GABRG3: variants seen among roughly 807,000 people sequenced by gnomAD.
GABRG3 encodes the protein gamma-aminobutyric acid receptor subunit gamma-3.
A neutral mutation model predicts 48.8 loss-of-function variants in GABRG3; 25 were observed. The ratio of observed to expected loss-of-function variants is 0.51; its 90% CI spans 0.37 to 0.72. The LOEUF is 0.72. Among genes scored for constraint, GABRG3 ranks in the 30% least tolerant of loss-of-function variants. The probability of loss-of-function intolerance (pLI) is 0.00; values close to 1 mark genes in which losing one functional copy is unlikely to be tolerated. For missense variants in GABRG3, 394 were observed against 577.9 expected, an observed-to-expected ratio of 0.68 and a Z score of 3.26; for synonymous variants, 227 against 217.6, an observed-to-expected ratio of 1.04 and a Z score of -0.38.
At chr15:27,385,133 G>A (rs544610033) in intron 5 of GABRG3, among the ~76,000 whole-genome samples, 2 of 152,116 alleles carry the variant, frequency 1.3e-5, no homozygotes, top group Admixed American at 6.5e-5. Flanking sequence ...ACCCCTCCTA[G>A]GGTTATTTAG....
Position 27,077,889 on chromosome 15 carries a change from G to A in GABRG3, c.270+51068G>A, listed in dbSNP as rs187597835. Among the ~76,000 whole-genome samples, 374 of 152,282 alleles carry A rather than the reference G, an allele frequency of 2.5e-3. 2 individuals are homozygous for A. Among genetic ancestry groups the A allele is most frequent in the African/African-American group, 8.3e-3 (345 of 41,556 alleles). On this transcript the variant is annotated intron_variant, in intron 3 of 9. Transcript: ENST00000615808. Reference sequence around the variant, plus strand: ...GAGGGCAGTTCTCAGCATCATCACAGCCCAGCAAATATCAGGGGAGCTATT... The same window carrying A: ...GAGGGCAGTTCTCAGCATCATCACAACCCAGCAAATATCAGGGGAGCTATT...
chr15:27,450,929 A>G (rs1257418050), intron 5 of GABRG3, among the ~76,000 whole-genome samples: 2 of 152,216 alleles, frequency 1.3e-5, no homozygotes, highest in Admixed American at 6.5e-5. Flanking sequence ...ACTATCTGAA[A>G]AGGATATTAA....
intron 5 of GABRG3, among the ~76,000 whole-genome samples, chr15:27,434,664 T>A (rs1888553559): frequency 6.6e-6 from 1 of 152,158 alleles, no homozygotes; most frequent in African/African-American, 2.4e-5. Flanking sequence ...AACAGTCCCT[T>A]CATATTCCAT....
chr15:26,984,489 TC>T (rs1895115203), intron 2 of GABRG3, among the ~76,000 whole-genome samples: 1 of 152,218 alleles, frequency 6.6e-6, no homozygotes, highest in Non-Finnish European at 1.5e-5. Flanking sequence ...AAATAATGAC[TC>T]CTCTCCTAGA....
chr15:27,079,558 A>G (rs1896959218), intron 3 of GABRG3, among the ~76,000 whole-genome samples: 1 of 152,120 alleles, frequency 6.6e-6, no homozygotes, highest in Admixed American at 6.5e-5. Context: ...AGGGCTAACA[A>G]TCTATCAAGC....
At chr15:27,043,953 C>G (rs1896321639) in intron 3 of GABRG3, among the ~76,000 whole-genome samples, 1 of 152,194 alleles carries the variant, frequency 6.6e-6, no homozygotes, top group South Asian at 2.1e-4. Context: ...GGCTGTCGGG[C>G]TGAGAGTCTC....
At chr15:27,525,063 G>A (rs112728421) in intron 7 of GABRG3, among the ~76,000 whole-genome samples, 8 of 151,958 alleles carry the variant, frequency 5.3e-5, no homozygotes, top group Non-Finnish European at 1.2e-4. Flanking sequence ...CCCGCAACAA[G>A]TGAAAGGCTA....
At chr15:27,304,428 T>G (rs544091261) in intron 3 of GABRG3, among the ~76,000 whole-genome samples, 1 of 152,098 alleles carries the variant, frequency 6.6e-6, no homozygotes, top group Admixed American at 6.6e-5. Flanking sequence ...CAATTTATTA[T>G]CTTATAGTTG....
intron 5 of GABRG3, among the ~76,000 whole-genome samples, chr15:27,458,914 A>G (rs1160676100): frequency 6.6e-6 from 1 of 152,194 alleles, no homozygotes. Flanking sequence ...CCCATTGGTC[A>G]GTGTCTCTGT....
At chr15:27,132,295 G>T (rs780592211) in intron 3 of GABRG3, among the ~76,000 whole-genome samples, 20 of 151,800 alleles carry the variant, frequency 1.3e-4, no homozygotes, top group Non-Finnish European at 2.8e-4. Flanking sequence ...TAATCCATTT[G>T]AGTTGTTTGT....
chr15:27,159,617 G>C (rs1898526235), intron 3 of GABRG3, among the ~76,000 whole-genome samples: 1 of 151,898 alleles, frequency 6.6e-6, no homozygotes, highest in South Asian at 2.1e-4. Flanking sequence ...TTCGTTCTCA[G>C]CTACATTGAT....
chr15:27,065,946 T>C (rs1380209669), intron 3 of GABRG3, among the ~76,000 whole-genome samples: 2 of 152,260 alleles, frequency 1.3e-5, no homozygotes, highest in Non-Finnish European at 2.9e-5. Flanking sequence ...CCTGGATTTA[T>C]ACTTTTAATG....
intron 2 of GABRG3, among the ~76,000 whole-genome samples, chr15:27,019,809 G>C (rs1015509750): frequency 1.6e-4 from 25 of 152,148 alleles, no homozygotes; most frequent in African/African-American, 5.8e-4. Context: ...TGCGTTGGGG[G>C]CATGAGAGTT....
At chr15:27,152,182 A>C (rs1216060176) in intron 3 of GABRG3, among the ~76,000 whole-genome samples, 1 of 152,160 alleles carries the variant, frequency 6.6e-6, no homozygotes, top group Non-Finnish European at 1.5e-5. Flanking sequence ...AAGGTTAGTT[A>C]ATCTTTTTAA....
At chr15:27,440,274 T>G (rs1259900082) in intron 5 of GABRG3, among the ~76,000 whole-genome samples, 1 of 152,212 alleles carries the variant, frequency 6.6e-6, no homozygotes, top group Admixed American at 6.5e-5. Flanking sequence ...AGGATATTCC[T>G]GAGCCATTGT....
intron 3 of GABRG3, among the ~76,000 whole-genome samples, chr15:27,086,996 A>G (rs1369486128): frequency 6.6e-6 from 1 of 152,208 alleles, no homozygotes; most frequent in Non-Finnish European, 1.5e-5. Flanking sequence ...CAGGCCAAAG[A>G]AAACACGCAG....
chr15:27,146,023 A>G (rs370206505), intron 3 of GABRG3, among the ~76,000 whole-genome samples: 2 of 152,176 alleles, frequency 1.3e-5, no homozygotes, highest in Non-Finnish European at 2.9e-5. Context: ...TGATCCTTCA[A>G]AAATGAAGAA....
chr15:27,443,794 C>T (rs1888861411), intron 5 of GABRG3, among the ~76,000 whole-genome samples: 1 of 152,090 alleles, frequency 6.6e-6, no homozygotes, highest in Non-Finnish European at 1.5e-5. Context: ...TTGTCAGGTA[C>T]CCTTTATCAA....
intron 5 of GABRG3, among the ~76,000 whole-genome samples, chr15:27,420,151 A>G (rs1283999028): frequency 6.6e-6 from 1 of 152,184 alleles, no homozygotes; most frequent in Non-Finnish European, 1.5e-5. Context: ...TTTTTTTAGA[A>G]TACTCCTTCT....
Sources: gnomAD v4.1 joint callset for allele counts (sites outside exome capture counted in the v4.1 genomes callset) on GRCh38, gnomAD v4.1.1 for gene constraint, MANE v1.5 for transcripts, NCBI Gene and HGNC (gene_info 2026-07-23, HGNC 2026-07-21) for gene names.